The following AK8 variants were observed in gnomAD, a reference collection of about 807,000 sequenced individuals.
AK8 encodes adenylate kinase 8.
In AK8, 44 loss-of-function variants were observed where a neutral mutation model predicts 54.6. The observed-to-expected ratio is 0.81, with a 90% CI of 0.63 to 1.04. AK8 has a LOEUF of 1.04. Ranked by LOEUF, AK8 falls within the 50% of genes least tolerant of loss-of-function variation. AK8 has a pLI of 0.00. For missense variants in AK8, 555 were observed against 613.6 expected, an observed-to-expected ratio of 0.90 and a Z score of 1.01; for synonymous variants, 239 against 245.6, an observed-to-expected ratio of 0.97 and a Z score of 0.25.
At chr9:132,864,979 G>C (rs1843528818) in intron 3 of AK8, among the ~76,000 whole-genome samples, 1 of 152,218 alleles carries the variant, frequency 6.6e-6, no homozygotes, top group Admixed American at 6.5e-5. Flanking sequence ...CCCAATGTCA[G>C]AATTACCTGG....
chr9:132,853,197 A>G (rs1414336713), intron 5 of AK8, among the ~76,000 whole-genome samples: 1 of 151,730 alleles, frequency 6.6e-6, no homozygotes, highest in Non-Finnish European at 1.5e-5. Context: ...ATCTCTACTA[A>G]AAATACAAAA....
At chr9:132,843,370 C>T (rs942725391) in intron 5 of AK8, among the ~76,000 whole-genome samples, 4 of 152,198 alleles carry the variant, frequency 2.6e-5, no homozygotes, top group African/African-American at 7.2e-5. Flanking sequence ...TGGTAAACTT[C>T]CTAAGGCCTT....
intron 8 of AK8, among the ~76,000 whole-genome samples, 178 bp from the exon 9 acceptor site, chr9:132,823,514 G>A (rs1172231174): frequency 6.6e-6 from 1 of 152,190 alleles, no homozygotes; most frequent in East Asian, 1.9e-4. Flanking sequence ...GGCAGGCCTG[G>A]GCACCAAGGC....
At chr9:132,771,537 G>T (rs917573544) in intron 11 of AK8, among the ~76,000 whole-genome samples, 2 of 152,118 alleles carry the variant, frequency 1.3e-5, no homozygotes, top group African/African-American at 4.8e-5. Context: ...CTGAAAGGGC[G>T]CCTCTTGTAA....
Position 132,860,221 on chromosome 9 carries a change from G to C in AK8, c.333+3444C>G, listed in dbSNP as rs1843330840. ...TCCAGTGAGGGAGGGGCCTGAGCAGGAGAGGGCCCAGGAGCCATAAGAACA... is the reference window on the plus strand; with the variant it reads ...TCCAGTGAGGGAGGGGCCTGAGCAGCAGAGGGCCCAGGAGCCATAAGAACA... On this transcript the variant is annotated intron_variant, in intron 4 of 12. Transcript: ENST00000298545. The surrounding 1 kb of genome is among the most constrained non-coding windows in gnomAD (Gnocchi z 4.4). Among the ~76,000 whole-genome samples, 1 of 152,196 alleles carries C rather than the reference G, an allele frequency of 6.6e-6. No homozygotes were observed. Among genetic ancestry groups the C allele is most frequent in the African/African-American group, 2.4e-5 (1 of 41,448 alleles).
At position 132,792,790 on chromosome 9, in the gene AK8, G is replaced by C. The variant is rs1840002673; in HGVS notation, c.980-15C>G. On this transcript the variant is annotated splice_polypyrimidine_tract_variant and intron_variant, in intron 10 of 12. Coordinates refer to ENST00000298545, the MANE Select transcript of AK8 (RefSeq NM_152572.3). ...GCTGTCAGGAACTGCAGAGAAGGGG[G>C]GCAAGTGAGTACCCTGCTGGCCGGC... 1 of 1,554,782 alleles carries C rather than the reference G, an allele frequency of 6.4e-7. No individual in the cohort carries two copies. Among genetic ancestry groups the C allele is most frequent in the Non-Finnish European group, 8.7e-7 (1 of 1,148,546 alleles).
At position 132,789,396 on chromosome 9, in the gene AK8, G is replaced by A. The variant is rs574403084; in HGVS notation, c.1121+3238C>T. ...GTGGATCACCTGAGGTCAGGAGTTC[G>A]AGACCAGCCTGGCCGACATGGTAAA... On this transcript the variant is annotated intron_variant, in intron 11 of 12. Transcript: ENST00000298545. 2.4e-3 allele frequency among the ~76,000 whole-genome samples: 360 copies of A among 151,802 alleles called. 5 individuals carry two copies. Among genetic ancestry groups the A allele is most frequent in the African/African-American group, 8.5e-3 (352 of 41,384 alleles).
intron 11 of AK8, among the ~76,000 whole-genome samples, chr9:132,746,374 C>T (rs1837654050): frequency 6.6e-6 from 1 of 152,194 alleles, no homozygotes; most frequent in Non-Finnish European, 1.5e-5. Context: ...CTGGGGTCTG[C>T]ACTCTCAGGA....
Position 132,863,730 on chromosome 9 carries a change from T to A in AK8, c.268A>T (p.Asn90Tyr). 3 of 1,614,010 alleles carry A rather than the reference T, an allele frequency of 1.9e-6. No homozygotes were observed. The highest frequency in any genetic ancestry group is 2.5e-6 in the Non-Finnish European group (3 of 1,179,992). The part of the protein sequence containing the change: ...HLNSSLLTLE[N>Y]LILNEFSYTA... ...TAGGAAAACTCATTTAAGATCAGGT[T>A]CTCCAGGGTGAGGAGACTGCTGTTC... The change falls in exon 4 of 13, where the codon AAC becomes TAC. Residue 90 changes from asparagine (N) to tyrosine (Y), a missense_variant. By Grantham distance (143) the Asn-to-Tyr change is moderately radical (BLOSUM62 -2). Coordinates refer to ENST00000298545, the MANE Select transcript of AK8 (RefSeq NM_152572.3).
At chr9:132,831,965 G>A (rs1057054261) in intron 5 of AK8, among the ~76,000 whole-genome samples, 1 of 149,814 alleles carries the variant, frequency 6.7e-6, no homozygotes, top group Non-Finnish European at 1.5e-5. Flanking sequence ...GGGAGGCTGA[G>A]GCAGAAAGAT....
chr9:132,836,013 C>T (rs1170019664), intron 5 of AK8, among the ~76,000 whole-genome samples: 1 of 152,194 alleles, frequency 6.6e-6, no homozygotes, highest in Non-Finnish European at 1.5e-5. Context: ...ATCCCAGCTA[C>T]TCAGGAGGCT....
intron 9 of AK8, among the ~76,000 whole-genome samples, 197 bp from the exon 10 acceptor site, chr9:132,814,924 GA>G (rs1313374184): frequency 2.0e-5 from 3 of 152,188 alleles, no homozygotes; most frequent in Non-Finnish European, 4.4e-5. Context: ...AAATAAAAGA[GA>G]GAGGTGGAAT....
intron 5 of AK8, among the ~76,000 whole-genome samples, chr9:132,848,045 G>T (rs1842818482): frequency 6.6e-6 from 1 of 150,818 alleles, no homozygotes; most frequent in East Asian, 2.0e-4. Context: ...GAGCCCAGGA[G>T]GTTGGGGCTG....
At chr9:132,833,587 G>A (rs76681115) in intron 5 of AK8, among the ~76,000 whole-genome samples, 1 of 152,148 alleles carries the variant, frequency 6.6e-6, no homozygotes, top group African/African-American at 2.4e-5. Flanking sequence ...CCCGTGGCTC[G>A]GTTCTGTTTT....
intron 8 of AK8, among the ~76,000 whole-genome samples, chr9:132,824,510 C>T (rs566119639): frequency 6.6e-6 from 1 of 152,316 alleles, no homozygotes; most frequent in South Asian, 2.1e-4. Context: ...ACATCTGGGG[C>T]CAGAAGATTC....
At chr9:132,760,190 T>G (rs1169975000) in intron 11 of AK8, among the ~76,000 whole-genome samples, 1 of 151,930 alleles carries the variant, frequency 6.6e-6, no homozygotes, top group East Asian at 1.9e-4. Context: ...GTTGTTAATT[T>G]TTTTTTTTTT....
chr9:132,727,156 C>T (rs888308345), intron 12 of AK8, among the ~76,000 whole-genome samples: 6 of 152,126 alleles, frequency 3.9e-5, no homozygotes, highest in African/African-American at 1.2e-4. Flanking sequence ...AAACAGGTGA[C>T]GCCCACCCAA....
At chr9:132,821,302 G>A (rs565630938) in intron 9 of AK8, among the ~76,000 whole-genome samples, 1 of 152,074 alleles carries the variant, frequency 6.6e-6, no homozygotes, top group East Asian at 1.9e-4. Context: ...TAACGATGTG[G>A]GCACATGCTT....
intron 5 of AK8, among the ~76,000 whole-genome samples, chr9:132,846,549 ATGAG>A (rs1190129768): frequency 6.3e-5 from 9 of 142,092 alleles, no homozygotes; most frequent in African/African-American, 2.1e-4. Flanking sequence ...GAATGAATGA[ATGAG>A]TACTTTTAGG....
Sources: gnomAD v4.1 joint callset for allele counts (sites outside exome capture counted in the v4.1 genomes callset) on GRCh38, gnomAD v4.1.1 for gene constraint, Gnocchi (gnomAD v3.1) non-coding constraint, MANE v1.5 for transcripts, NCBI Gene and HGNC (gene_info 2026-07-23, HGNC 2026-07-21) for gene names.